The following DNAJC9 variants were observed in gnomAD, a reference collection of about 807,000 sequenced individuals.
DNAJC9 encodes the protein dnaJ homolog subfamily C member 9.
DNAJC9 carries 18 observed loss-of-function variants against 32.4 expected under a neutral mutation model. The ratio of observed to expected loss-of-function variants is 0.56; its 90% CI spans 0.38 to 0.82. The LOEUF is 0.82. Among genes scored for constraint, DNAJC9 ranks in the 40% least tolerant of loss-of-function variants. The pLI is 0.00. For missense variants in DNAJC9, 310 were observed against 321.8 expected (o/e 0.96, Z 0.28); for synonymous variants, 113 against 122.1 (o/e 0.93, Z 0.49).
chr10:73,245,837 TTA>T, intron 3 of DNAJC9, 83 bp downstream of exon 3: 1 of 1,528,138 alleles, frequency 6.5e-7, no homozygotes, highest in Non-Finnish European at 8.8e-7. Context: ...TTCTGGAGTT[TTA>T]TGTTTACTTC....
downstream of DNAJC9, chr10:73,234,966 C>T (rs756850934): frequency 7.7e-6 from 12 of 1,550,486 alleles, no homozygotes; most frequent in Non-Finnish European, 9.6e-6. Flanking sequence ...ATTGCCTCTC[C>T]ATGTACTTAC....
chr10:73,241,299 A>C, downstream of DNAJC9: 1 of 396,350 alleles, frequency 2.5e-6, no homozygotes, highest in Non-Finnish European at 4.8e-6. Flanking sequence ...TAATACCCAA[A>C]TCACTGCTCA....
chr10:73,235,249 T>A (rs993602320), downstream of DNAJC9: 3 of 1,551,688 alleles, frequency 1.9e-6, no homozygotes, highest in African/African-American at 4.1e-5. Context: ...AACCTAACTA[T>A]CAGCAGCCAC....
At chr10:73,233,225 ATTAAT>A in intron 2 of DNAJC9, 6 of 1,121,024 alleles carry the variant, frequency 5.4e-6, no homozygotes, top group Non-Finnish European at 6.6e-6. Flanking sequence ...TACATACAGA[ATTAAT>A]TTAAATATAA....
chr10:73,239,331 G>T, downstream of DNAJC9: 1 of 1,551,604 alleles, frequency 6.4e-7, no homozygotes, highest in Non-Finnish European at 8.7e-7. Flanking sequence ...CAGTATCGTC[G>T]CTCATGTGCA....
At position 73,247,249 on chromosome 10, in the gene DNAJC9, C is replaced by T. The variant is rs554269155; in HGVS notation, c.-60G>A. ...GCTCCCAGCTGCGCCGGGTACAACC[C>T]AGGACTGCTTCTTTTTCGCGCCCAA... is the stretch of plus-strand genomic sequence containing the variant. On this transcript the variant is annotated 5_prime_UTR_variant, in exon 1 of 5. Coordinates refer to ENST00000372950, the MANE Select transcript of DNAJC9 (RefSeq NM_015190.5). 50 of 1,545,606 alleles carry T rather than the reference C, an allele frequency of 3.2e-5. 1 individual carries two copies. In the South Asian group the frequency reaches 5.7e-4, roughly 18 times the overall value.
At chr10:73,236,187 A>C (rs1185773691), downstream of DNAJC9, among the ~76,000 whole-genome samples, 1 of 151,520 alleles carries the variant, frequency 6.6e-6, no homozygotes, top group Admixed American at 6.6e-5. Flanking sequence ...CCTCTGTATT[A>C]GTTTCCTAGG....
chr10:73,242,558 CTTT>C lies in DNAJC9; in HGVS notation c.*839_*841del, dbSNP rs1256642055. 5 of 152,108 alleles carry C rather than the reference CTTT, an allele frequency of 3.3e-5. No homozygotes were observed. Among genetic ancestry groups the C allele is most frequent in the African/African-American group, 9.7e-5 (4 of 41,392 alleles). 9.4% of individuals were successfully genotyped at this position (152,108 alleles called of 1,614,324 possible). A position where few individuals can be genotyped will look rare whatever the true frequency, so the allele number is the denominator to read the frequency against. ...CAGTTTGACAAATTTGGATTTCACTCTTTGTTTTGATGTAGTAACTCTTTTATA... is the reference window on the plus strand; with the variant it reads ...CAGTTTGACAAATTTGGATTTCACTCGTTTTGATGTAGTAACTCTTTTATA... On this transcript the variant is annotated 3_prime_UTR_variant, in exon 5 of 5. Coordinates refer to ENST00000372950, the MANE Select transcript of DNAJC9 (RefSeq NM_015190.5).
intron 3 of DNAJC9, 153 bp from the exon 4 acceptor site, chr10:73,244,082 T>C (rs918100613): frequency 1.6e-6 from 1 of 621,770 alleles, no homozygotes; most frequent in East Asian, 3.0e-5. Flanking sequence ...ATTCATTAAA[T>C]GGCAACAATG....
chr10:73,245,875 T>G, intron 3 of DNAJC9, 47 bp downstream of exon 3: 1 of 1,596,486 alleles, frequency 6.3e-7, no homozygotes, highest in Non-Finnish European at 8.5e-7. Context: ...TCTCAAATCC[T>G]TTTTGGAAGC....
rs1314445081 is a variant in DNAJC9 at position 73,243,862 on chromosome 10, C to G, written c.644G>C (p.Ser215Thr). The G allele has an allele frequency of 6.2e-7, 1 of 1,613,826 alleles. No homozygotes were observed. Among genetic ancestry groups the G allele is most frequent in the Admixed American group, 1.7e-5 (1 of 59,972 alleles). Reference sequence around the variant, plus strand: ...GTTTACCTGAATGGCTGCCTTCAGGCTATCCACGCCTTCATCAAGCCCCAA... The same window carrying G: ...GTTTACCTGAATGGCTGCCTTCAGGGTATCCACGCCTTCATCAAGCCCCAA... ...KELGLDEGVD[S>T]LKAAIQSRQK... The change falls in exon 4 of 5, where the codon AGC (serine) becomes ACC (threonine). Residue 215 changes from serine to threonine, a missense_variant. By Grantham distance (58) the Ser-to-Thr change is moderately conservative. Coordinates refer to ENST00000372950, the MANE Select transcript of DNAJC9 (RefSeq NM_015190.5).
In DNAJC9 at chr10:73,243,590, G is replaced by C. The variant is rs1027433857; in HGVS notation, c.664-71C>G. 3.2e-6 allele frequency: 5 copies of C among 1,586,302 alleles called. No individual in the cohort carries two copies. The African/African-American group carries it at 6.8e-5, about 22-fold the overall frequency. On this transcript the variant is annotated intron_variant, in intron 4 of 4. Transcript: ENST00000372950. ...ACAGAAAGTACCTAGTGGTTGCCAGGGGCTGGAAAAGTGGAATAACTACTA... is the reference window on the plus strand; with the variant it reads ...ACAGAAAGTACCTAGTGGTTGCCAGCGGCTGGAAAAGTGGAATAACTACTA...
chr10:73,244,860 T>A (rs2043989731), intron 3 of DNAJC9, among the ~76,000 whole-genome samples: 1 of 152,174 alleles, frequency 6.6e-6, no homozygotes, highest in Non-Finnish European at 1.5e-5. Flanking sequence ...GGACCCCCTA[T>A]CCCAATAAGA....
At chr10:73,245,317 CGAT>C (rs1339033329) in intron 3 of DNAJC9, among the ~76,000 whole-genome samples, 1 of 151,624 alleles carries the variant, frequency 6.6e-6, no homozygotes, top group Non-Finnish European at 1.5e-5. Context: ...ATCTAACGCC[CGAT>C]GATCTAAGGT....
Position 73,243,249 on chromosome 10 carries a change from G to T in DNAJC9, c.*151C>A. On this transcript the variant is annotated 3_prime_UTR_variant, in exon 5 of 5. Coordinates refer to ENST00000372950, the MANE Select transcript of DNAJC9 (RefSeq NM_015190.5). ...AGGAAATACTAAGATCAGGTTGAGA[G>T]ATTCTGCTTGGTCTAGTCAATCTGA... is the stretch of plus-strand genomic sequence containing the variant. 1 of 773,382 alleles carries T rather than the reference G, an allele frequency of 1.3e-6. No homozygotes were observed. The highest frequency in any genetic ancestry group is 2.1e-6 in the Non-Finnish European group (1 of 477,170). The allele number at this position is 773,382 out of a possible 1,614,324, so 47.9% of individuals were successfully genotyped here.
At chr10:73,233,227 T>C in intron 2 of DNAJC9, 1 of 1,108,516 alleles carries the variant, frequency 9.0e-7, no homozygotes. Context: ...CATACAGAAT[T>C]AATTTAAATA....
At chr10:73,232,842 A>C in intron 2 of DNAJC9, 2 of 714,136 alleles carry the variant, frequency 2.8e-6, no homozygotes, top group Non-Finnish European at 4.8e-6. Context: ...TTTCCCCCTA[A>C]ATGTAGTTTC....
chr10:73,238,313 C>T (rs575550191), downstream of DNAJC9, among the ~76,000 whole-genome samples: 46 of 152,224 alleles, frequency 3.0e-4, no homozygotes, highest in Non-Finnish European at 6.2e-4. Flanking sequence ...TGCCATTGCA[C>T]TCCAACCTGG....
downstream of DNAJC9, chr10:73,234,793 C>T (rs1434923926): frequency 7.1e-6 from 11 of 1,550,114 alleles, no homozygotes; most frequent in East Asian, 4.9e-5. Flanking sequence ...TTCATACCTT[C>T]GTGTTTGTTG....
Sources: allele counts gnomAD v4.1 joint callset (sites outside exome capture counted in the v4.1 genomes callset), GRCh38; gene constraint gnomAD v4.1.1; transcripts MANE v1.5; gene names NCBI Gene and HGNC (gene_info 2026-07-23, HGNC 2026-07-21).